PCDH9: variants seen among roughly 807,000 people sequenced by gnomAD.
PCDH9 encodes protocadherin-9.
PCDH9 carries 24 observed loss-of-function variants against 70.6 expected under a neutral mutation model. That is an observed-to-expected ratio of 0.34 (90% CI 0.25 to 0.48). The LOEUF is 0.48. PCDH9 is among the 20% of genes least tolerant of loss of function. PCDH9 has a pLI of 0.99. For synonymous variants in PCDH9, 562 were observed against 558.5 expected, an observed-to-expected ratio of 1.01 and a Z score of -0.09; for missense variants, 1,281 against 1,503.6, an observed-to-expected ratio of 0.85 and a Z score of 2.45.
intron 2 of PCDH9, among the ~76,000 whole-genome samples, chr13:67,019,745 C>T (rs1023495756): frequency 1.3e-5 from 2 of 151,998 alleles, no homozygotes; most frequent in African/African-American, 2.4e-5. Context: ...CTGACAGGGA[C>T]GGGGATTACC....
Position 67,052,590 on chromosome 13 carries a change from G to C in PCDH9, c.3037-148985C>G, listed in dbSNP as rs1021776876. 2.6e-5 allele frequency among the ~76,000 whole-genome samples: 4 copies of C among 152,078 alleles called. No individual in the cohort carries two copies. The South Asian group carries it at 6.2e-4, about 24-fold the overall frequency. On this transcript the variant is annotated intron_variant, in intron 2 of 4. Transcript: ENST00000377865. ...AATCACAACTGTAGGTTGCATTAGA[G>C]CATATAAAAAGCCAGGTGCACACAA...
chr13:66,462,838 T>A (rs910861465), intron 4 of PCDH9, among the ~76,000 whole-genome samples: 1 of 151,748 alleles, frequency 6.6e-6, no homozygotes, highest in African/African-American at 2.4e-5. Flanking sequence ...AGAAAGTCAC[T>A]CCTATTTTCT....
chr13:66,777,735 G>A (rs540909033), intron 3 of PCDH9, among the ~76,000 whole-genome samples: 15 of 152,258 alleles, frequency 9.9e-5, no homozygotes, highest in Admixed American at 2.0e-4. Flanking sequence ...GATTCCTCAC[G>A]GATCTAGAAC....
chr13:67,088,755 A>G (rs1437179470), intron 2 of PCDH9, among the ~76,000 whole-genome samples: 1 of 152,064 alleles, frequency 6.6e-6, no homozygotes, highest in South Asian at 2.1e-4. Flanking sequence ...TAAGTTCTGT[A>G]ACATCTTTTG....
intron 3 of PCDH9, among the ~76,000 whole-genome samples, chr13:66,896,163 GA>G (rs2082175193): frequency 6.6e-6 from 1 of 152,274 alleles, no homozygotes; most frequent in East Asian, 1.9e-4. Context: ...AAAAGTTAAA[GA>G]AGGTGATGAT....
At chr13:66,631,923 C>T (rs1185145351) in intron 3 of PCDH9, among the ~76,000 whole-genome samples, 2 of 152,076 alleles carry the variant, frequency 1.3e-5, no homozygotes, top group East Asian at 1.9e-4. Flanking sequence ...GACAAAGTTT[C>T]GTTCTTGTTG....
At chr13:67,030,767 G>A (rs2084890014) in intron 2 of PCDH9, among the ~76,000 whole-genome samples, 1 of 152,076 alleles carries the variant, frequency 6.6e-6, no homozygotes, top group African/African-American at 2.4e-5. Context: ...TCTTCCATTT[G>A]TTGAATAAAG....
At chr13:66,317,902 A>G (rs1955682783) in intron 4 of PCDH9, among the ~76,000 whole-genome samples, 1 of 152,210 alleles carries the variant, frequency 6.6e-6, no homozygotes, top group South Asian at 2.1e-4. Context: ...GTGTACATGT[A>G]GAATACCATT....
At chr13:66,735,068 T>C (rs912997435) in intron 3 of PCDH9, among the ~76,000 whole-genome samples, 28 of 152,204 alleles carry the variant, frequency 1.8e-4, no homozygotes, top group Non-Finnish European at 1.9e-4. Context: ...TATATAGTAC[T>C]GGGTGCTGTT....
intron 3 of PCDH9, among the ~76,000 whole-genome samples, chr13:66,655,459 G>A (rs1050230152): frequency 1.3e-5 from 2 of 151,994 alleles, no homozygotes; most frequent in Admixed American, 6.6e-5. Flanking sequence ...ATTTTGGCTA[G>A]AATATTTTCC....
chr13:66,403,650 T>A (rs761039127), intron 4 of PCDH9, among the ~76,000 whole-genome samples: 1 of 152,086 alleles, frequency 6.6e-6, no homozygotes, highest in Non-Finnish European at 1.5e-5. Context: ...TATATTATAA[T>A]TTAAAACAGA....
At chr13:66,450,262 T>C (rs1196797210) in intron 4 of PCDH9, among the ~76,000 whole-genome samples, 1 of 152,198 alleles carries the variant, frequency 6.6e-6, no homozygotes, top group Admixed American at 6.5e-5. Context: ...TTTAATTTAA[T>C]AGCATATATT....
At chr13:66,375,053 G>A (rs1194802529) in intron 4 of PCDH9, among the ~76,000 whole-genome samples, 1 of 152,052 alleles carries the variant, frequency 6.6e-6, no homozygotes, top group Non-Finnish European at 1.5e-5. Flanking sequence ...ATAGAGTACT[G>A]TCTAATACAT....
intron 4 of PCDH9, among the ~76,000 whole-genome samples, chr13:66,314,102 C>T (rs1357965598): frequency 2.0e-5 from 3 of 152,064 alleles, no homozygotes; most frequent in Non-Finnish European, 2.9e-5. Context: ...ATGTAGATTC[C>T]AATTCAGTAC....
chr13:66,667,081 A>G (rs1218807025), intron 3 of PCDH9, among the ~76,000 whole-genome samples: 4 of 152,188 alleles, frequency 2.6e-5, no homozygotes, highest in Non-Finnish European at 5.9e-5. Flanking sequence ...AGCACATTTA[A>G]TCTAAAAATA....
At chr13:66,617,812 C>T (rs1353655329) in intron 4 of PCDH9, among the ~76,000 whole-genome samples, 1 of 152,188 alleles carries the variant, frequency 6.6e-6, no homozygotes, top group African/African-American at 2.4e-5. Context: ...ATGATGGCCC[C>T]ATCTGCCGGG....
intron 4 of PCDH9, among the ~76,000 whole-genome samples, chr13:66,332,126 T>A (rs543597016): frequency 3.3e-5 from 5 of 152,152 alleles, no homozygotes; most frequent in Admixed American, 3.3e-4. Flanking sequence ...AAGATGAGGA[T>A]TCAAAGGCTC....
chr13:66,864,881 C>T (rs1054859547), intron 3 of PCDH9, among the ~76,000 whole-genome samples: 4 of 152,180 alleles, frequency 2.6e-5, no homozygotes, highest in African/African-American at 9.6e-5. Context: ...AGGTGTTGAA[C>T]AAAAGTACTA....
chr13:66,493,761 C>T (rs1261204945), intron 4 of PCDH9, among the ~76,000 whole-genome samples: 1 of 152,082 alleles, frequency 6.6e-6, no homozygotes, highest in Non-Finnish European at 1.5e-5. Flanking sequence ...GAAGGATTAA[C>T]TGATTTATAG....
Sources: gnomAD v4.1 joint callset for allele counts (sites outside exome capture counted in the v4.1 genomes callset) on GRCh38, gnomAD v4.1.1 for gene constraint, MANE v1.5 for transcripts, NCBI Gene and HGNC (gene_info 2026-07-23, HGNC 2026-07-21) for gene names.